Variants in CDK8 observed in about 807,000 individuals in gnomAD.
CDK8 encodes cyclin-dependent kinase 8.
In CDK8, 29 loss-of-function variants were observed where a neutral mutation model predicts 71.5. The observed-to-expected ratio is 0.41, with a 90% CI of 0.30 to 0.55. The LOEUF (loss-of-function observed/expected upper bound fraction) is 0.55. CDK8 is among the 20% of genes least tolerant of loss of function. CDK8 has a pLI of 0.37. For synonymous variants in CDK8, 161 were observed against 192.1 expected (o/e 0.84, Z 1.34); for missense variants, 288 against 572.6 (o/e 0.50, Z 5.07).
intron 1 of CDK8, among the ~76,000 whole-genome samples, chr13:26,288,130 T>G (rs533817504): frequency 6.6e-6 from 1 of 151,866 alleles, no homozygotes; most frequent in African/African-American, 2.4e-5. Context: ...GCCCGGCTAA[T>G]TTTTTGTATT....
At chr13:26,349,229 AAGAGTAACTAAAAAC>A in intron 3 of CDK8, 47 bp downstream of exon 3, 1 of 1,015,030 alleles carries the variant, frequency 9.9e-7, no homozygotes, top group Non-Finnish European at 1.5e-6. Context: ...AGGGATTGTT[AAGAGTAACTAAAAAC>A]AGTTAGGTGT....
At chr13:26,400,578 A>AT in intron 10 of CDK8, 28 bp downstream of exon 10, 1 of 1,339,628 alleles carries the variant, frequency 7.5e-7, no homozygotes, top group Non-Finnish European at 1.1e-6. Context: ...TTAACTCATC[A>AT]GCATGATGGA....
chr13:26,316,107 C>T (rs773187547), intron 1 of CDK8, among the ~76,000 whole-genome samples: 9 of 152,134 alleles, frequency 5.9e-5, no homozygotes, highest in Non-Finnish European at 8.8e-5. Flanking sequence ...GCCTGCAATC[C>T]CAGCACTTTG....
At chr13:26,350,909 T>G (rs1444850226) in intron 3 of CDK8, among the ~76,000 whole-genome samples, 10 of 152,240 alleles carry the variant, frequency 6.6e-5, no homozygotes, top group Admixed American at 6.5e-4. Context: ...AACTCTAAGG[T>G]AACTATAAAA....
At chr13:26,388,476 T>C (rs573414778) in intron 6 of CDK8, among the ~76,000 whole-genome samples, 3 of 152,340 alleles carry the variant, frequency 2.0e-5, no homozygotes, top group Non-Finnish European at 2.9e-5. Context: ...AGAAAATGAA[T>C]GTTTAAAAGC....
chr13:26,281,850 GAAAT>G (rs527971722), intron 1 of CDK8, among the ~76,000 whole-genome samples: 435 of 151,632 alleles, frequency 2.9e-3, no homozygotes, highest in African/African-American at 0.01. Context: ...GTATTCCAGA[GAAAT>G]AAATATCATA....
At chr13:26,394,610 C>G (rs1013996632) in intron 7 of CDK8, among the ~76,000 whole-genome samples, 6 of 152,202 alleles carry the variant, frequency 3.9e-5, no homozygotes, top group African/African-American at 1.4e-4. Context: ...CTTCCTGCTT[C>G]TGAATGTGTC....
intron 1 of CDK8, among the ~76,000 whole-genome samples, chr13:26,258,458 C>T (rs1390073138): frequency 1.3e-5 from 2 of 149,518 alleles, no homozygotes; most frequent in East Asian, 2.0e-4. Context: ...TGTGTCTGTA[C>T]GTATATACAC....
chr13:26,318,968 T>C (rs1874635913), intron 1 of CDK8, among the ~76,000 whole-genome samples: 1 of 152,134 alleles, frequency 6.6e-6, no homozygotes, highest in Non-Finnish European at 1.5e-5. Flanking sequence ...GTCAGAGCAA[T>C]TAAGCAAGTA....
chr13:26,274,666 C>T (rs7997083), intron 1 of CDK8, among the ~76,000 whole-genome samples: 16,460 of 152,062 alleles, frequency 0.11, 2,637 homozygotes, highest in African/African-American at 0.35. Context: ...CTCCTGACCT[C>T]GTGATCCGCC....
chr13:26,324,338 C>T (rs60872377), intron 1 of CDK8, among the ~76,000 whole-genome samples: 265 of 151,934 alleles, frequency 1.7e-3, no homozygotes, highest in African/African-American at 5.7e-3. Flanking sequence ...GTATTGTTGA[C>T]GGGGTAGAAA....
chr13:26,328,765 C>T (rs1565974399), intron 1 of CDK8, among the ~76,000 whole-genome samples: 1 of 152,168 alleles, frequency 6.6e-6, no homozygotes, highest in Non-Finnish European at 1.5e-5. Flanking sequence ...TTGGTAGACC[C>T]TTCCAGTTTT....
At chr13:26,297,540 A>T (rs1873614476) in intron 1 of CDK8, among the ~76,000 whole-genome samples, 1 of 152,124 alleles carries the variant, frequency 6.6e-6, no homozygotes, top group South Asian at 2.1e-4. Context: ...CCAGTGATTC[A>T]AGGCTGACTT....
At chr13:26,338,712 T>C (rs936176185) in intron 2 of CDK8, among the ~76,000 whole-genome samples, 4 of 152,158 alleles carry the variant, frequency 2.6e-5, no homozygotes. Flanking sequence ...GGTGTCTGTA[T>C]GTTAACTGTC....
chr13:26,396,617 G>GA (rs1876006591), intron 8 of CDK8, among the ~76,000 whole-genome samples: 1 of 151,906 alleles, frequency 6.6e-6, no homozygotes. Flanking sequence ...CTACTTTTTG[G>GA]AAGCTAGACA....
At chr13:26,328,251 A>T (rs143961905) in intron 1 of CDK8, among the ~76,000 whole-genome samples, 2 of 152,232 alleles carry the variant, frequency 1.3e-5, no homozygotes, top group Non-Finnish European at 2.9e-5. Context: ...TCTTAGACCT[A>T]CACATTAGCC....
At chr13:26,369,448 C>CAAA (rs1162252506) in intron 4 of CDK8, among the ~76,000 whole-genome samples, 57 of 46,504 alleles carry the variant, frequency 1.2e-3, no homozygotes, top group East Asian at 2.7e-3. Context: ...GACCCTGTCT[C>CAAA]AAAAAAAAAA....
At chr13:26,289,619 C>G (rs1873202152) in intron 1 of CDK8, among the ~76,000 whole-genome samples, 2 of 151,990 alleles carry the variant, frequency 1.3e-5, no homozygotes, top group East Asian at 1.9e-4. Context: ...GGCGGGATCT[C>G]GGCTCACTGC....
chr13:26,336,584 C>G (rs1195663442), intron 1 of CDK8, among the ~76,000 whole-genome samples: 1 of 132,104 alleles, frequency 7.6e-6, no homozygotes, highest in African/African-American at 3.0e-5. Flanking sequence ...GACGGAGTCT[C>G]GCTCTGTCGC....
Sources: gnomAD v4.1 joint callset for allele counts (sites outside exome capture counted in the v4.1 genomes callset) on GRCh38, gnomAD v4.1.1 for gene constraint, MANE v1.5 for transcripts, NCBI Gene and HGNC (gene_info 2026-07-23, HGNC 2026-07-21) for gene names.